Variants in GATM observed in about 807,000 individuals in gnomAD.
GATM encodes glycine amidinotransferase, mitochondrial.
A neutral mutation model predicts 54.2 loss-of-function variants in GATM; 23 were observed. That is an observed-to-expected ratio of 0.42 (90% CI 0.31 to 0.60). The LOEUF is 0.60. Among genes scored for constraint, GATM ranks in the 20% least tolerant of loss-of-function variants. GATM has a pLI of 0.14. For synonymous variants in GATM, 168 were observed against 183.1 expected, an observed-to-expected ratio of 0.92 and a Z score of 0.67; for missense variants, 401 against 544.9, an observed-to-expected ratio of 0.74 and a Z score of 2.63.
chr15:45,382,728 G>A (rs561021882), upstream of GATM, among the ~76,000 whole-genome samples: 1 of 152,086 alleles, frequency 6.6e-6, no homozygotes, highest in Non-Finnish European at 1.5e-5. Context: ...AGGAGGTGGA[G>A]GTTGCCCTGA....
At chr15:45,398,545 C>G (rs1889960182) in intron 2 of GATM, among the ~76,000 whole-genome samples, 1 of 152,122 alleles carries the variant, frequency 6.6e-6, no homozygotes, top group African/African-American at 2.4e-5. Flanking sequence ...TTCTAAAGAA[C>G]AATTTTAACA....
chr15:45,368,065 C>A lies in GATM; in HGVS notation c.675+5G>T. The A allele has an allele frequency of 6.2e-7, 1 of 1,613,606 alleles. No individual in the cohort carries two copies. ...TAATAAGCTAGCCTATAATTAGGGA[C>A]TCACCTGGTTATAAAGCTCATCAGC... On this transcript the variant is annotated splice_donor_5th_base_variant and intron_variant, in intron 4 of 8. Coordinates refer to ENST00000396659, the MANE Select transcript of GATM (RefSeq NM_001482.3). The surrounding 1 kb of genome is among the most constrained non-coding windows in gnomAD (Gnocchi z 5.1).
chr15:45,374,104 A>G (rs1315396059), intron 2 of GATM, among the ~76,000 whole-genome samples: 1 of 152,230 alleles, frequency 6.6e-6, no homozygotes, highest in Non-Finnish European at 1.5e-5. Flanking sequence ...TAGATAGCAA[A>G]CTAGCAAACC....
intron 2 of GATM, among the ~76,000 whole-genome samples, chr15:45,370,508 C>T (rs1275867099): frequency 6.6e-6 from 1 of 152,116 alleles, no homozygotes; most frequent in Admixed American, 6.5e-5. Flanking sequence ...TGTCAATATG[C>T]CTCATACCAA....
In GATM at chr15:45,366,471, A is replaced by G; in HGVS notation, c.713T>C (p.Leu238Ser). The G allele has an allele frequency of 6.2e-7, 1 of 1,614,182 alleles. No homozygotes were observed. The highest frequency in any genetic ancestry group is 8.5e-7 in the Non-Finnish European group (1 of 1,180,014). Reference protein sequence around the residue: ...PIHSVEDRHKLAAQGKFVTTE... With the variant: ...PIHSVEDRHKSAAQGKFVTTE... ...TGTCACAAATTTTCCCTGAGCAGCC[A>G]ATTTGTGTCTGTCTTCTACAGAGTG... The change falls in exon 5 of 9, where the codon TTG becomes TCG. Residue 238 changes from leucine (L) to serine (S), a missense_variant. Transcript: ENST00000396659.
At chr15:45,377,231 C>T (rs751161190) in intron 1 of GATM, 7 of 489,378 alleles carry the variant, frequency 1.4e-5, no homozygotes, top group Non-Finnish European at 2.0e-5. Context: ...GACGGAACCT[C>T]CTTTTCCCTT....
In GATM at chr15:45,376,736, T is replaced by A; in HGVS notation, c.153A>T (p.Ala51=). The change falls in exon 2 of 9, where the codon GCA becomes GCT. Residue 51 remains alanine, a synonymous_variant. Coordinates refer to ENST00000396659, the MANE Select transcript of GATM (RefSeq NM_001482.3). ...AATASSRNSC[A]ADDKATEPLP... ...GAGGCTCAGTGGCTTTGTCGTCAGC[T>A]GCACAGGAGTTCCGGGAGGAAGCCG... The A allele has an allele frequency of 6.2e-7, 1 of 1,614,228 alleles. No individual in the cohort carries two copies. The highest frequency in any genetic ancestry group is 1.6e-4 in the Middle Eastern group (1 of 6,062).
At chr15:45,401,502 G>T (rs1890006564) in intron 1 of GATM, among the ~76,000 whole-genome samples, 1 of 152,078 alleles carries the variant, frequency 6.6e-6, no homozygotes, top group South Asian at 2.1e-4. Context: ...AATTAAGAGG[G>T]ATAGAAAATG....
chr15:45,366,508 C>G lies in GATM; in HGVS notation c.676G>C (p.Asp226His). Residue 226 changes from aspartate to histidine, a missense_variant and splice_region_variant, in exon 5 of 9, where the codon GAT (aspartate) becomes CAT (histidine). This residue lies in a region of GATM where 321 missense variants were observed against 457.5 expected (regional missense o/e 0.70). Transcript: ENST00000396659. ...PTMADELYNQ[D>H]YPIHSVEDRH... ...TCTTCTACAGAGTGGATGGGATAAT[C>G]CTAATTGGAACAAGAATGAACACAC... The G allele has an allele frequency of 6.2e-7, 1 of 1,613,908 alleles. No individual in the cohort carries two copies. Among genetic ancestry groups the G allele is most frequent in the Non-Finnish European group, 8.5e-7 (1 of 1,179,986 alleles).
At chr15:45,363,857 A>T in intron 8 of GATM, 43 bp downstream of exon 8, 2 of 1,162,252 alleles carry the variant, frequency 1.7e-6, no homozygotes, top group South Asian at 1.2e-5. Flanking sequence ...CTTCTCATTT[A>T]ACGTTTTCAT....
chr15:45,389,774 A>G (rs572807165), intron 3 of GATM, among the ~76,000 whole-genome samples: 1 of 152,374 alleles, frequency 6.6e-6, no homozygotes, highest in Admixed American at 6.5e-5. Flanking sequence ...CCAGGGATGC[A>G]CATAGGAATC....
At chr15:45,398,762 G>A (rs771928804) in intron 2 of GATM, among the ~76,000 whole-genome samples, 54 of 151,962 alleles carry the variant, frequency 3.6e-4, no homozygotes, top group Non-Finnish European at 5.4e-4. Flanking sequence ...AATATATTAG[G>A]GTTGAACATA....
At chr15:45,400,742 C>T (rs1319290301) in intron 1 of GATM, among the ~76,000 whole-genome samples, 1 of 152,170 alleles carries the variant, frequency 6.6e-6, no homozygotes, top group Non-Finnish European at 1.5e-5. Flanking sequence ...TACTTCTTGG[C>T]CATTTCTGCA....
At chr15:45,392,383 ATGTG>A (rs1047823760) in intron 3 of GATM, among the ~76,000 whole-genome samples, 3 of 152,316 alleles carry the variant, frequency 2.0e-5, no homozygotes, top group South Asian at 2.1e-4. Flanking sequence ...GTGTGCGTGC[ATGTG>A]TGTGTGTAAT....
intron 6 of GATM, 39 bp from the exon 7 acceptor site, chr15:45,364,899 A>C: frequency 2.0e-6 from 3 of 1,512,102 alleles, no homozygotes; most frequent in Non-Finnish European, 2.8e-6. Flanking sequence ...CGTTAAATCT[A>C]CATATACTAT....
At chr15:45,372,463 T>C (rs1889559822) in intron 2 of GATM, among the ~76,000 whole-genome samples, 1 of 152,226 alleles carries the variant, frequency 6.6e-6, no homozygotes. Context: ...TGTTTTCTAC[T>C]CCTAGGAATT....
At chr15:45,363,554 A>G in intron 8 of GATM, 1 of 387,170 alleles carries the variant, frequency 2.6e-6, no homozygotes, top group Non-Finnish European at 4.7e-6. Flanking sequence ...CTTTTAAAGG[A>G]CCCACAATGA....
chr15:45,376,854 T>C, intron 1 of GATM, 35 bp from the exon 2 acceptor site: 1 of 1,565,568 alleles, frequency 6.4e-7, no homozygotes, highest in Non-Finnish European at 8.7e-7. Context: ...TTGTATTGCA[T>C]TGCTCTATCA....
intron 3 of GATM, among the ~76,000 whole-genome samples, chr15:45,395,132 T>G (rs1305909751): frequency 2.0e-5 from 3 of 152,214 alleles, no homozygotes; most frequent in African/African-American, 4.8e-5. Flanking sequence ...GAAACTTTGA[T>G]GAAATGGATA....
Sources: gnomAD v4.1 joint callset for allele counts (sites outside exome capture counted in the v4.1 genomes callset) on GRCh38, gnomAD v4.1.1 for gene constraint, gnomAD v4.1.1 regional missense constraint, Gnocchi (gnomAD v3.1) non-coding constraint, MANE v1.5 for transcripts, NCBI Gene and HGNC (gene_info 2026-07-23, HGNC 2026-07-21) for gene names.